SUSD4: variants seen among roughly 807,000 people sequenced by gnomAD.
SUSD4 encodes the protein sushi domain-containing protein 4.
Under a neutral mutation model 50.5 loss-of-function variants are expected in SUSD4, and 41 were observed. That is an observed-to-expected ratio of 0.81 (90% confidence interval 0.63 to 1.05). The LOEUF (loss-of-function observed/expected upper bound fraction) is 1.05, where lower values mean the gene tolerates loss of function less well. Among genes scored for constraint, SUSD4 ranks in the 50% least tolerant of loss-of-function variants. The probability of loss-of-function intolerance (pLI) is 0.00; values close to 1 mark genes in which losing one functional copy is unlikely to be tolerated. For synonymous variants in SUSD4, 257 were observed against 257.3 expected (o/e 1.00, Z 0.01); for missense variants, 580 against 634.7 (o/e 0.91, Z 0.93).
At chr1:223,315,647 C>T (rs566942143) in intron 2 of SUSD4, among the ~76,000 whole-genome samples, 46 of 152,258 alleles carry the variant, frequency 3.0e-4, no homozygotes, top group African/African-American at 9.1e-4. Flanking sequence ...ATCGCATTGC[C>T]GTGGTCTGGT....
chr1:223,225,194 G>T (rs1002433755), intron 7 of SUSD4, among the ~76,000 whole-genome samples: 2 of 152,002 alleles, frequency 1.3e-5, no homozygotes, highest in African/African-American at 4.8e-5. Flanking sequence ...TATTGTCTCT[G>T]CTGGGAACTG....
chr1:223,293,635 G>A (rs1664639500), intron 2 of SUSD4, among the ~76,000 whole-genome samples: 1 of 152,190 alleles, frequency 6.6e-6, no homozygotes, highest in East Asian at 1.9e-4. Flanking sequence ...GACACAAGGA[G>A]GATGCTGGTG....
Position 223,227,482 on chromosome 1 carries a change from C to T in SUSD4, c.1061+112G>A. 1 of 1,393,864 alleles carries T rather than the reference C, an allele frequency of 7.2e-7. No homozygotes were observed. The highest frequency in any genetic ancestry group is 1.4e-5 in the South Asian group (1 of 69,938). 86.3% of individuals were successfully genotyped at this position (1,393,864 alleles called of 1,614,324 possible). ...TCCCAGAACATTGTTTTTGCTCTCCCCTGTTTCCCTTTAGAGCTTCAACTT... is the reference window on the plus strand; with the variant it reads ...TCCCAGAACATTGTTTTTGCTCTCCTCTGTTTCCCTTTAGAGCTTCAACTT... On this transcript the variant is annotated intron_variant, in intron 7 of 8. Coordinates refer to ENST00000366878, the MANE Select transcript of SUSD4 (RefSeq NM_017982.4). The surrounding 1 kb of genome is among the most constrained non-coding windows in gnomAD (Gnocchi z 4.5).
At chr1:223,364,873 C>A (rs907992835), upstream of SUSD4, among the ~76,000 whole-genome samples, 1 of 152,144 alleles carries the variant, frequency 6.6e-6, no homozygotes, top group Non-Finnish European at 1.5e-5. This position sits in a 1 kb window ranked among gnomAD's most constrained non-coding sequence, Gnocchi z 4.5. Context: ...CGAAGCTCTG[C>A]GCGTCCCCAG....
intron 2 of SUSD4, among the ~76,000 whole-genome samples, chr1:223,306,964 G>C (rs1254883875): frequency 3.4e-5 from 5 of 149,148 alleles, no homozygotes; most frequent in Admixed American, 6.6e-5. Context: ...TTTTTTTTTG[G>C]GGGGGGGTGT....
At chr1:223,235,076 G>T in intron 5 of SUSD4, 2 of 1,606,084 alleles carry the variant, frequency 1.2e-6, no homozygotes, top group Non-Finnish European at 1.7e-6. Flanking sequence ...ATAAAGGACA[G>T]GGAAAAGATG....
At chr1:223,264,002 G>C in intron 5 of SUSD4, 1 of 985,438 alleles carries the variant, frequency 1.0e-6, no homozygotes, top group Non-Finnish European at 1.2e-6. Context: ...AGCTGAACCA[G>C]CATGTCCAAC....
intron 2 of SUSD4, among the ~76,000 whole-genome samples, chr1:223,336,348 T>C (rs144957390): frequency 6.6e-6 from 1 of 152,354 alleles, no homozygotes; most frequent in East Asian, 1.9e-4. Context: ...TCATTCCCCA[T>C]ATTAAGAAAT....
intron 3 of SUSD4, among the ~76,000 whole-genome samples, chr1:223,280,801 A>G (rs1663662647): frequency 6.6e-6 from 1 of 152,192 alleles, no homozygotes. Flanking sequence ...TCAGCACCAC[A>G]TCGCACTTAT....
intron 2 of SUSD4, among the ~76,000 whole-genome samples, chr1:223,323,690 T>C (rs1191413150): frequency 6.6e-6 from 1 of 151,806 alleles, no homozygotes; most frequent in African/African-American, 2.4e-5. Flanking sequence ...CAAGACTGAG[T>C]CACAGTAGCT....
intron 1 of SUSD4, 122 bp from the exon 2 acceptor site, chr1:223,363,582 C>G (rs369126563): frequency 1.2e-5 from 14 of 1,194,804 alleles, no homozygotes; most frequent in South Asian, 2.0e-5. Context: ...GTTCCTCCCC[C>G]GCGCGGCCCC....
rs895011548 is a variant in SUSD4, at chr1:223,229,053, G to A, written c.916+144C>T. The stretch of plus-strand genomic sequence containing the variant: ...CACAGAGCCCAACAGCAGCCCCATC[G>A]ACCCGCAATGATATGTTTCGATATC... On this transcript the variant is annotated intron_variant, in intron 6 of 8. Transcript: ENST00000366878. The surrounding 1 kb of genome is among the most constrained non-coding windows in gnomAD (Gnocchi z 4.7). The A allele has an allele frequency of 3.2e-5, 26 of 822,784 alleles. No individual in the cohort carries two copies. In the Admixed American group the frequency reaches 4.0e-4, roughly 13 times the overall value. The allele number at this position is 822,784 out of a possible 1,614,324, so 51.0% of individuals were successfully genotyped here. A position where few individuals can be genotyped will look rare whatever the true frequency, so the allele number is the denominator to read the frequency against.
Position 223,237,320 on chromosome 1 carries a change from C to T in SUSD4, c.725-7932G>A, listed in dbSNP as rs1344832407. 3.3e-5 allele frequency among the ~76,000 whole-genome samples: 5 copies of T among 151,926 alleles called. No homozygotes were observed. In the South Asian group the frequency reaches 1.0e-3, roughly 31 times the overall value. Reference sequence around the variant, plus strand: ...AAAAGATAGTTTTATTTCTTTCTTTCCAATCTATATATCTTTTATTTCCTT... The same window carrying T: ...AAAAGATAGTTTTATTTCTTTCTTTTCAATCTATATATCTTTTATTTCCTT... On this transcript the variant is annotated intron_variant, in intron 5 of 8. Coordinates refer to ENST00000366878, the MANE Select transcript of SUSD4 (RefSeq NM_017982.4).
chr1:223,326,631 A>C (rs1008144648), intron 2 of SUSD4, among the ~76,000 whole-genome samples: 3 of 152,220 alleles, frequency 2.0e-5, no homozygotes, highest in Admixed American at 2.0e-4. Context: ...ATCTACAAGA[A>C]ACTCAAACAA....
intron 2 of SUSD4, among the ~76,000 whole-genome samples, chr1:223,324,293 A>T (rs1050660170): frequency 6.6e-6 from 1 of 151,312 alleles, no homozygotes; most frequent in African/African-American, 2.4e-5. Context: ...TCAAAGACAT[A>T]AGGGCTGTGA....
At chr1:223,281,535 C>A (rs1416722000) in intron 3 of SUSD4, among the ~76,000 whole-genome samples, 2 of 152,074 alleles carry the variant, frequency 1.3e-5, no homozygotes, top group Non-Finnish European at 2.9e-5. Context: ...AAGACTAAAC[C>A]AGGAAGAAGT....
intron 2 of SUSD4, among the ~76,000 whole-genome samples, chr1:223,325,128 T>C (rs142482151): frequency 7.2e-5 from 11 of 152,322 alleles, no homozygotes; most frequent in Non-Finnish European, 1.2e-4. Flanking sequence ...GTTCTCATTA[T>C]GTAGCTTGGC....
intron 4 of SUSD4, among the ~76,000 whole-genome samples, chr1:223,265,871 T>C (rs1662460228): frequency 1.3e-5 from 2 of 152,224 alleles, no homozygotes; most frequent in Non-Finnish European, 2.9e-5. Flanking sequence ...TAATGTATAA[T>C]GAAAATACCC....
chr1:223,315,291 T>TGTA (rs1241971229), intron 2 of SUSD4, among the ~76,000 whole-genome samples: 1 of 152,248 alleles, frequency 6.6e-6, no homozygotes, highest in African/African-American at 2.4e-5. Context: ...TCTGCTAAAG[T>TGTA]GTAGACATAA....
Sources: allele counts gnomAD v4.1 joint callset (sites outside exome capture counted in the v4.1 genomes callset), GRCh38; gene constraint gnomAD v4.1.1; non-coding constraint Gnocchi (gnomAD v3.1); transcripts MANE v1.5; gene names NCBI Gene and HGNC (gene_info 2026-07-23, HGNC 2026-07-21).